The following NIN variants were observed in gnomAD, a reference collection of about 807,000 sequenced individuals.
NIN encodes the protein ninein, also known as glycogen synthase kinase 3 beta-interacting protein.
In NIN, 137 loss-of-function variants were observed where a neutral mutation model predicts 257.6. The ratio of observed to expected loss-of-function variants is 0.53; its 90% CI spans 0.46 to 0.61. NIN has a LOEUF of 0.61. Ranked by LOEUF, NIN falls within the 20% of genes least tolerant of loss-of-function variation. NIN has a pLI of 0.00. For missense variants in NIN, 2,439 were observed against 2,501.2 expected (o/e 0.98, Z 0.53); for synonymous variants, 918 against 919.8 (o/e 1.00, Z 0.04).
chr14:50,823,521 C>T lies in NIN; in HGVS notation c.-21-1444G>A, dbSNP rs542609766. On this transcript the variant is annotated intron_variant, in intron 2 of 30. Transcript: ENST00000530997. ...CTTTCTAAAACAAATCAATGTTGCT[C>T]TAGGTTGTGTTTGCTTTCTTTCCAT... The T allele has an allele frequency of 3.6e-5, 9 of 246,860 alleles. No homozygotes were observed. The East Asian group carries it at 9.1e-4, about 25-fold the overall frequency. 15.3% of individuals were successfully genotyped at this position (246,860 alleles called of 1,614,324 possible). A position where few individuals can be genotyped will look rare whatever the true frequency, so the allele number is the denominator to read the frequency against.
chr14:50,753,093 A>G (rs1050340846), intron 20 of NIN, among the ~76,000 whole-genome samples: 2 of 151,388 alleles, frequency 1.3e-5, no homozygotes, highest in Non-Finnish European at 3.0e-5. Flanking sequence ...TGCTTTTTCT[A>G]CTTACTTACT....
intron 5 of NIN, among the ~76,000 whole-genome samples, chr14:50,782,391 T>C (rs538823487): frequency 6.6e-6 from 1 of 152,220 alleles, no homozygotes; most frequent in South Asian, 2.1e-4. Context: ...TATTCAACAA[T>C]CGAGCATAAA....
At chr14:50,732,888 C>T (rs1419005970) in intron 28 of NIN, among the ~76,000 whole-genome samples, 6 of 151,238 alleles carry the variant, frequency 4.0e-5, no homozygotes, top group African/African-American at 7.3e-5. Flanking sequence ...CCACGGCGCC[C>T]GGCCAATAAC....
rs998150115 is a variant in NIN at position 50,719,981 on chromosome 14, A to G, written c.*3482T>C. Reference sequence around the variant, plus strand: ...TTTAGATAATCTGTTTTTCCTTCACAAACCAATGTTCCCTTAAGTCATGCC... The same window carrying G: ...TTTAGATAATCTGTTTTTCCTTCACGAACCAATGTTCCCTTAAGTCATGCC... On this transcript the variant is annotated 3_prime_UTR_variant, in exon 31 of 31. Coordinates refer to ENST00000530997, the MANE Select transcript of NIN (RefSeq NM_020921.4). 4.6e-6 allele frequency: 1 copy of G among 217,036 alleles called. No individual in the cohort carries two copies. The highest frequency in any genetic ancestry group is 9.3e-6 in the Non-Finnish European group (1 of 107,746). The allele number at this position is 217,036 out of a possible 1,614,324, so 13.4% of individuals were successfully genotyped here.
intron 4 of NIN, among the ~76,000 whole-genome samples, chr14:50,802,535 T>C (rs2044144908): frequency 6.6e-6 from 1 of 152,176 alleles, no homozygotes. Flanking sequence ...ATTAGGAGGC[T>C]ATAAAAACAT....
intron 5 of NIN, among the ~76,000 whole-genome samples, chr14:50,790,030 G>C (rs2043518687): frequency 6.6e-6 from 1 of 152,140 alleles, no homozygotes; most frequent in Non-Finnish European, 1.5e-5. Context: ...CCGCCAACAG[G>C]AACATCGAAA....
At chr14:50,821,749 CTTT>C (rs981328760) in intron 3 of NIN, 122 bp downstream of exon 3, 1 of 761,322 alleles carries the variant, frequency 1.3e-6, no homozygotes, top group Non-Finnish European at 2.2e-6. Flanking sequence ...TTACATTCTT[CTTT>C]TTATCATGTA....
intron 16 of NIN, 118 bp downstream of exon 16, chr14:50,761,672 T>C: frequency 8.8e-7 from 1 of 1,140,876 alleles, no homozygotes; most frequent in African/African-American, 1.5e-5. Context: ...CCTGAGGATG[T>C]GGGTTCCCAA....
intron 4 of NIN, among the ~76,000 whole-genome samples, chr14:50,796,259 C>A (rs768531114): frequency 2.0e-5 from 3 of 152,162 alleles, no homozygotes; most frequent in Non-Finnish European, 4.4e-5. Flanking sequence ...ATGAGACACA[C>A]CAATCAGAGG....
At position 50,760,265 on chromosome 14, in the gene NIN, G is replaced by A. The variant is rs147946706; in HGVS notation, c.1991C>T (p.Thr664Ile). 281 of 1,611,038 alleles carry A rather than the reference G, an allele frequency of 1.7e-4. No individual in the cohort carries two copies. Among genetic ancestry groups the A allele is most frequent in the Admixed American group, 3.5e-4 (21 of 59,978 alleles). The change falls in exon 17 of 31, where the codon ACC becomes ATC. Residue 664 changes from threonine to isoleucine, a missense_variant. Transcript: ENST00000530997. The stretch of plus-strand genomic sequence containing the variant: ...AAGGTCACTTATTTGTTTTTCTAAG[G>A]TGTGCGTTTCGTTCTCATGCCTTTG... ...MKQRHENETH[T>I]LEKQISDLKN... is the part of the protein sequence containing the mutation.
chr14:50,738,694 G>C (rs529379058), intron 26 of NIN, among the ~76,000 whole-genome samples: 1 of 152,132 alleles, frequency 6.6e-6, no homozygotes, highest in Non-Finnish European at 1.5e-5. Flanking sequence ...ACAGTTCTAC[G>C]AAGACATGAA....
chr14:50,800,793 T>G (rs2044065130), intron 4 of NIN, among the ~76,000 whole-genome samples: 1 of 151,954 alleles, frequency 6.6e-6, no homozygotes, highest in South Asian at 2.1e-4. Context: ...TGCTTTTTTT[T>G]TTTTTTGAGA....
Position 50,770,886 on chromosome 14 carries a change from C to T in NIN, c.1225G>A (p.Ala409Thr). 1 of 1,614,154 alleles carries T rather than the reference C, an allele frequency of 6.2e-7. No homozygotes were observed. The highest frequency in any genetic ancestry group is 8.5e-7 in the Non-Finnish European group (1 of 1,180,024). ...TACTCATTCCGCCGCTCTATGGCCG[C>T]ATGGTGATCATCCACCTCCGAGGCC... The part of the protein sequence containing the change: ...LMASEVDDHH[A>T]AIERRNEYNL... Residue 409 changes from alanine (A) to threonine (T), a missense_variant, in exon 11 of 31, where the codon GCG becomes ACG. Around this residue, in one of 3 missense-constraint regions of NIN, gnomAD observed 2,043 missense variants for 2,050.2 expected, o/e 1.00. Transcript: ENST00000530997.
intron 28 of NIN, among the ~76,000 whole-genome samples, chr14:50,734,768 C>T (rs34766576): frequency 0.041 from 6,287 of 152,192 alleles, 185 homozygotes; most frequent in Non-Finnish European, 0.061. Flanking sequence ...CTACCTCCAA[C>T]TCCTGTGCTT....
Position 50,747,755 on chromosome 14 carries a change from G to A in NIN, c.5064+237C>T, listed in dbSNP as rs544066765. Reference sequence around the variant, plus strand: ...AACTGTCTTAAAAAAAAAAAAGGGGGGGATTTTAGAGTGTACAACATATAT... The same window carrying A: ...AACTGTCTTAAAAAAAAAAAAGGGGAGGATTTTAGAGTGTACAACATATAT... On this transcript the variant is annotated intron_variant, in intron 22 of 30. Coordinates refer to ENST00000530997, the MANE Select transcript of NIN (RefSeq NM_020921.4). Among the ~76,000 whole-genome samples the A allele has an allele frequency of 2.0e-5, 3 of 151,404 alleles. No individual in the cohort carries two copies. In the South Asian group the frequency reaches 6.3e-4, roughly 32 times the overall value.
intron 30 of NIN, among the ~76,000 whole-genome samples, chr14:50,725,438 C>A (rs2040371454): frequency 1.3e-5 from 2 of 152,104 alleles, no homozygotes; most frequent in African/African-American, 4.8e-5. Flanking sequence ...CAAAGTACAT[C>A]TTTTTGGAGT....
At chr14:50,759,380 A>T (rs2042173777) in intron 17 of NIN, among the ~76,000 whole-genome samples, 1 of 152,246 alleles carries the variant, frequency 6.6e-6, no homozygotes, top group African/African-American at 2.4e-5. Flanking sequence ...CAATCATCCC[A>T]AGGTAGGTTC....
At chr14:50,767,524 A>G (rs1566825655) in intron 12 of NIN, among the ~76,000 whole-genome samples, 1 of 152,248 alleles carries the variant, frequency 6.6e-6, no homozygotes, top group African/African-American at 2.4e-5. Context: ...TATAAAAAGT[A>G]GAGTAACTCT....
At chr14:50,794,969 G>A (rs2043775002) in intron 4 of NIN, among the ~76,000 whole-genome samples, 1 of 152,142 alleles carries the variant, frequency 6.6e-6, no homozygotes, top group African/African-American at 2.4e-5. Context: ...AGCCAGCAGG[G>A]ACCCTGTGGA....
Sources: allele counts gnomAD v4.1 joint callset (sites outside exome capture counted in the v4.1 genomes callset), GRCh38; gene constraint gnomAD v4.1.1; regional missense constraint gnomAD v4.1.1; transcripts MANE v1.5; gene names NCBI Gene and HGNC (gene_info 2026-07-23, HGNC 2026-07-21).